SGCZ: variants seen among roughly 807,000 people sequenced by gnomAD.
SGCZ encodes the protein sarcoglycan zeta, also known as zeta-sarcoglycan.
In SGCZ, 40 loss-of-function variants were observed where a neutral mutation model predicts 41.3. The ratio of observed to expected loss-of-function variants is 0.97; its 90% CI spans 0.75 to 1.26. The LOEUF is 1.26. SGCZ is among the 50% of genes most tolerant of loss of function. The probability of loss-of-function intolerance (pLI) is 0.00; values close to 1 mark genes in which losing one functional copy is unlikely to be tolerated. For missense variants in SGCZ, 552 were observed against 369.8 expected (o/e 1.49, Z -4.04); for synonymous variants, 206 against 137.5 (o/e 1.50, Z -3.49).
intron 2 of SGCZ, among the ~76,000 whole-genome samples, chr8:14,510,713 G>T (rs942960490): frequency 1.3e-5 from 2 of 152,250 alleles, no homozygotes; most frequent in Admixed American, 6.5e-5. Flanking sequence ...ACAAGGAAAA[G>T]AATCTGTCTC....
chr8:14,345,923 G>A (rs533088599), intron 2 of SGCZ, among the ~76,000 whole-genome samples: 1 of 152,026 alleles, frequency 6.6e-6, no homozygotes, highest in South Asian at 2.1e-4. Flanking sequence ...AAGAATTCAG[G>A]GTAGGGAGGA....
At chr8:14,702,931 A>C (rs1183447577) in intron 1 of SGCZ, among the ~76,000 whole-genome samples, 2 of 91,790 alleles carry the variant, frequency 2.2e-5, no homozygotes, top group Admixed American at 2.5e-4. Flanking sequence ...GTAGGTAGAT[A>C]GATAGATAGA....
At chr8:14,709,077 A>G (rs777109366) in intron 1 of SGCZ, among the ~76,000 whole-genome samples, 2 of 152,168 alleles carry the variant, frequency 1.3e-5, no homozygotes, top group Non-Finnish European at 2.9e-5. Context: ...AACAGTGAAG[A>G]AGAATAAAAA....
At chr8:14,502,408 C>T (rs1802180138) in intron 2 of SGCZ, among the ~76,000 whole-genome samples, 1 of 152,050 alleles carries the variant, frequency 6.6e-6, no homozygotes, top group South Asian at 2.1e-4. Flanking sequence ...TTCTTCATCT[C>T]ATTTAGGGTT....
intron 1 of SGCZ, among the ~76,000 whole-genome samples, chr8:14,822,437 A>G (rs1232738695): frequency 6.6e-6 from 1 of 152,208 alleles, no homozygotes; most frequent in Non-Finnish European, 1.5e-5. Flanking sequence ...AAGTTAATGC[A>G]ATGCCTATCA....
chr8:14,895,745 CA>C, intron 1 of SGCZ, among the ~76,000 whole-genome samples: 1 of 152,268 alleles, frequency 6.6e-6, no homozygotes, highest in East Asian at 1.9e-4. Flanking sequence ...TCTCGAAAAG[CA>C]AATTGCAAAT....
chr8:14,549,159 G>C (rs1295138234), intron 2 of SGCZ, among the ~76,000 whole-genome samples: 1 of 151,962 alleles, frequency 6.6e-6, no homozygotes, highest in Non-Finnish European at 1.5e-5. Flanking sequence ...GTTTGTGTGT[G>C]TGTGTGTGTC....
chr8:14,768,156 A>G (rs370168368), intron 1 of SGCZ, among the ~76,000 whole-genome samples: 1 of 152,206 alleles, frequency 6.6e-6, no homozygotes, highest in Non-Finnish European at 1.5e-5. Context: ...AACTCTGCCT[A>G]CTTATGTATT....
chr8:14,768,107 A>G (rs1254949518), intron 1 of SGCZ, among the ~76,000 whole-genome samples: 1 of 152,210 alleles, frequency 6.6e-6, no homozygotes, highest in Non-Finnish European at 1.5e-5. Flanking sequence ...AAAACCTAAA[A>G]TGCCAAAAAG....
rs549214677 is a variant in SGCZ at position 14,471,044 on chromosome 8, T to G, written c.234+83688A>C. 3.9e-5 allele frequency among the ~76,000 whole-genome samples: 6 copies of G among 152,264 alleles called. No individual in the cohort carries two copies. The South Asian group carries it at 1.0e-3, about 26-fold the overall frequency. Reference sequence around the variant, plus strand: ...CCTGCTTTCATTTATTTGAATACTTTGGAAAAAAACACATTCTCAGCCAGA... The same window carrying G: ...CCTGCTTTCATTTATTTGAATACTTGGGAAAAAAACACATTCTCAGCCAGA... On this transcript the variant is annotated intron_variant, in intron 2 of 7. Transcript: ENST00000382080.
At chr8:14,831,634 G>A (rs552889716) in intron 1 of SGCZ, among the ~76,000 whole-genome samples, 2 of 150,728 alleles carry the variant, frequency 1.3e-5, no homozygotes, top group East Asian at 3.9e-4. Flanking sequence ...AGACACATAT[G>A]TGTGTGTGTG....
chr8:14,595,898 G>GA (rs951595676), intron 1 of SGCZ, among the ~76,000 whole-genome samples: 135 of 150,994 alleles, frequency 8.9e-4, no homozygotes, highest in African/African-American at 3.0e-3. Flanking sequence ...TTTAACTGAA[G>GA]AAAAAAAAAT....
At position 15,163,597 on chromosome 8, in the gene SGCZ, T is replaced by A. The variant is rs181062007; in HGVS notation, c.39+73988A>T. On this transcript the variant is annotated intron_variant, in intron 1 of 7. Transcript: ENST00000382080. The stretch of plus-strand genomic sequence containing the variant: ...CCTATTTCTTAAAGAAAAAGTCTGA[T>A]AGCTATTGCTTAACTAGAGACCCTA... Among the ~76,000 whole-genome samples, 6 of 152,362 alleles carry A rather than the reference T, an allele frequency of 3.9e-5. No homozygotes were observed. In the East Asian group the frequency reaches 1.2e-3, roughly 29 times the overall value.
At chr8:14,531,937 G>C (rs185227565) in intron 2 of SGCZ, among the ~76,000 whole-genome samples, 2 of 152,102 alleles carry the variant, frequency 1.3e-5, no homozygotes, top group South Asian at 4.1e-4. Context: ...TAATTTAATA[G>C]GATATCACAA....
chr8:14,892,562 G>A (rs1378564388), intron 1 of SGCZ, among the ~76,000 whole-genome samples: 1 of 151,994 alleles, frequency 6.6e-6, no homozygotes, highest in Non-Finnish European at 1.5e-5. Flanking sequence ...AAAGTTAAAT[G>A]TTTTAATAAT....
Position 14,307,932 on chromosome 8 carries a change from G to T in SGCZ, c.336+16171C>A, listed in dbSNP as rs140666362. 4.8e-3 allele frequency among the ~76,000 whole-genome samples: 732 copies of T among 152,090 alleles called. 3 individuals carry two copies. The highest frequency in any genetic ancestry group is 8.1e-3 in the Non-Finnish European group (551 of 67,998). On this transcript the variant is annotated intron_variant, in intron 3 of 7. Coordinates refer to ENST00000382080, the MANE Select transcript of SGCZ (RefSeq NM_139167.4). ...GTTTAACTCTCCAATTCCTTAAAAC[G>T]GTAGTCAGTTTTGTGTGTACCTTTT...
At chr8:14,497,010 C>A (rs146319766) in intron 2 of SGCZ, among the ~76,000 whole-genome samples, 88 of 152,246 alleles carry the variant, frequency 5.8e-4, no homozygotes, top group African/African-American at 2.0e-3. Context: ...CCACATTTTC[C>A]CCTATGCAGT....
intron 4 of SGCZ, among the ~76,000 whole-genome samples, chr8:14,184,877 G>A (rs1804852751): frequency 6.6e-6 from 1 of 152,064 alleles, no homozygotes; most frequent in African/African-American, 2.4e-5. Flanking sequence ...ATACATTAGA[G>A]CATGAAGATT....
chr8:14,474,070 A>C (rs1801289703), intron 2 of SGCZ, among the ~76,000 whole-genome samples: 3 of 152,198 alleles, frequency 2.0e-5, no homozygotes, highest in Non-Finnish European at 4.4e-5. Context: ...AGGGGAAAGA[A>C]GAAGTCTCTT....
Sources: gnomAD v4.1 joint callset for allele counts (sites outside exome capture counted in the v4.1 genomes callset) on GRCh38, gnomAD v4.1.1 for gene constraint, MANE v1.5 for transcripts, NCBI Gene and HGNC (gene_info 2026-07-23, HGNC 2026-07-21) for gene names.